Variants in NTNG2 observed in about 807,000 individuals in gnomAD.
NTNG2 encodes the protein netrin-G2.
Under a neutral mutation model 47.6 loss-of-function variants are expected in NTNG2, and 15 were observed. That is an observed-to-expected ratio of 0.32 (90% CI 0.21 to 0.49). NTNG2 has a LOEUF of 0.49. Ranked by LOEUF, NTNG2 falls within the 20% of genes least tolerant of loss-of-function variation. The pLI, the probability that NTNG2 is intolerant of heterozygous loss-of-function variation, is 0.99. For synonymous variants in NTNG2, 307 were observed against 324.6 expected (o/e 0.95, Z 0.58); for missense variants, 578 against 764.6 (o/e 0.76, Z 2.88).
chr9:132,181,635 C>T (rs1273505075), intron 2 of NTNG2, among the ~76,000 whole-genome samples: 2 of 152,194 alleles, frequency 1.3e-5, no homozygotes, highest in East Asian at 3.8e-4. Flanking sequence ...TTTCTTGATT[C>T]TATATCCTTC....
At position 132,242,283 on chromosome 9, in the gene NTNG2, C is replaced by A. The variant is rs1317638748; in HGVS notation, c.*172C>A. The A allele has an allele frequency of 5.0e-6, 1 of 200,502 alleles. No homozygotes were observed. The highest frequency in any genetic ancestry group is 9.7e-6 in the Non-Finnish European group (1 of 103,076). 12.4% of individuals were successfully genotyped at this position (200,502 alleles called of 1,614,324 possible). A position where few individuals can be genotyped will look rare whatever the true frequency, so the allele number is the denominator to read the frequency against. The stretch of plus-strand genomic sequence containing the variant: ...GCTCCCGCCCGCACTGCCCTCCCCC[C>A]GCAGCAGGGGCGCCTTGGGACTCCG... On this transcript the variant is annotated 3_prime_UTR_variant, in exon 8 of 8. Coordinates refer to ENST00000393229, the MANE Select transcript of NTNG2 (RefSeq NM_032536.4). This position sits in a 1 kb window ranked among gnomAD's most constrained non-coding sequence, Gnocchi z 5.9.
Position 132,198,564 on chromosome 9 carries a change from T to A in NTNG2, c.812T>A (p.Leu271His). Residue 271 changes from leucine (L) to histidine (H), a missense_variant, in exon 3 of 8, where the codon CTC (leucine) becomes CAC (histidine). Leu to His is a moderately conservative substitution (Grantham distance 99). Coordinates refer to ENST00000393229, the MANE Select transcript of NTNG2 (RefSeq NM_032536.4). ...GGCACCTATGTGCAGCGGGAGAACC[T>A]CTACAAGTACTTCTACGCCATCTCC... The part of the protein sequence containing the change: ...LGGTYVQREN[L>H]YKYFYAISNI... The A allele has an allele frequency of 6.2e-7, 1 of 1,612,946 alleles. No homozygotes were observed. The highest frequency in any genetic ancestry group is 8.5e-7 in the Non-Finnish European group (1 of 1,179,874).
intron 3 of NTNG2, among the ~76,000 whole-genome samples, chr9:132,206,825 C>G (rs1263113891): frequency 6.6e-6 from 1 of 152,244 alleles, no homozygotes; most frequent in African/African-American, 2.4e-5. Context: ...TGCACGATTC[C>G]AGACCACATC....
intron 6 of NTNG2, among the ~76,000 whole-genome samples, chr9:132,240,328 C>T (rs1841898528): frequency 6.6e-6 from 1 of 152,242 alleles, no homozygotes; most frequent in Non-Finnish European, 1.5e-5. Context: ...CACACCCTGG[C>T]ACCCTCCTCC....
intron 3 of NTNG2, among the ~76,000 whole-genome samples, chr9:132,212,469 G>T (rs1256264534): frequency 1.3e-5 from 2 of 152,186 alleles, no homozygotes. Flanking sequence ...GCCCAAATTT[G>T]ATTTAGCCAA....
At chr9:132,164,973 C>A (rs571873877) in intron 1 of NTNG2, among the ~76,000 whole-genome samples, 1 of 152,306 alleles carries the variant, frequency 6.6e-6, no homozygotes, top group East Asian at 1.9e-4. Flanking sequence ...TGGAGTTTCA[C>A]GGAAACACAG....
At chr9:132,219,226 A>G (rs1333845713) in intron 3 of NTNG2, among the ~76,000 whole-genome samples, 1 of 151,454 alleles carries the variant, frequency 6.6e-6, no homozygotes, top group Non-Finnish European at 1.5e-5. Context: ...AAAACAAAAA[A>G]AAAAAAGAAA....
rs748396406 is a variant in NTNG2 at position 132,242,003 on chromosome 9, C to A, written c.1485C>A (p.Asp495Glu). ...RCEQPRCDPA[D>E]DDGGLDCDRA... ...AGCAGCCCCGCTGCGACCCCGCCGACGATGACGGCGGTCTGGACTGCGACC... is the reference window on the plus strand; with the variant it reads ...AGCAGCCCCGCTGCGACCCCGCCGAAGATGACGGCGGTCTGGACTGCGACC... Residue 495 changes from aspartate (D) to glutamate (E), a missense_variant, in exon 8 of 8, where the codon GAC becomes GAA. Asp to Glu is a conservative substitution (Grantham distance 45, BLOSUM62 2). Coordinates refer to ENST00000393229, the MANE Select transcript of NTNG2 (RefSeq NM_032536.4). This position sits in a 1 kb window ranked among gnomAD's most constrained non-coding sequence, Gnocchi z 5.9. The A allele has an allele frequency of 2.8e-5, 41 of 1,474,026 alleles. No individual in the cohort carries two copies. In the African/African-American group the frequency reaches 5.2e-4, roughly 19 times the overall value. 91.3% of individuals were successfully genotyped at this position (1,474,026 alleles called of 1,614,324 possible).
At position 132,174,501 on chromosome 9, in the gene NTNG2, C is replaced by T. The variant is rs1231816123; in HGVS notation, c.213+7457C>T. 2.0e-5 allele frequency among the ~76,000 whole-genome samples: 3 copies of T among 152,196 alleles called. No homozygotes were observed. The South Asian group carries it at 6.2e-4, about 31-fold the overall frequency. On this transcript the variant is annotated intron_variant, in intron 2 of 7. Coordinates refer to ENST00000393229, the MANE Select transcript of NTNG2 (RefSeq NM_032536.4). ...GGACTTGGGATAAGTCCCTTGTGACCCTGAGCCTTGGTTTTCTCATCTGAA... is the reference window on the plus strand; with the variant it reads ...GGACTTGGGATAAGTCCCTTGTGACTCTGAGCCTTGGTTTTCTCATCTGAA...
Position 132,239,250 on chromosome 9 carries a change from G to A in NTNG2, c.1201G>A (p.Asp401Asn). ...CTACCGCAACGGCTCGGCAGAGCTG[G>A]ATGATGAGAACGTCTGCATTGGTGA... ...GYYRNGSAEL[D>N]DENVCIECNC... Residue 401 changes from aspartate (D) to asparagine (N), a missense_variant, in exon 6 of 8, where the codon GAT becomes AAT. Transcript: ENST00000393229. The A allele has an allele frequency of 6.2e-7, 1 of 1,613,644 alleles. No individual in the cohort carries two copies. The highest frequency in any genetic ancestry group is 8.5e-7 in the Non-Finnish European group (1 of 1,180,022).
At chr9:132,194,212 G>A (rs1194735275) in intron 2 of NTNG2, among the ~76,000 whole-genome samples, 1 of 152,190 alleles carries the variant, frequency 6.6e-6, no homozygotes, top group Non-Finnish European at 1.5e-5. Context: ...GGGGGAAGGG[G>A]GGCATGTGCC....
intron 2 of NTNG2, among the ~76,000 whole-genome samples, chr9:132,190,781 T>A (rs1837818379): frequency 6.6e-6 from 1 of 152,192 alleles, no homozygotes. Flanking sequence ...ATAGAATATT[T>A]CATGCCAGGA....
intron 1 of NTNG2, among the ~76,000 whole-genome samples, chr9:132,165,318 AT>A (rs1229582958): frequency 6.6e-6 from 1 of 152,070 alleles, no homozygotes; most frequent in Non-Finnish European, 1.5e-5. Flanking sequence ...AATTATATCT[AT>A]TTTGATTTTA....
rs1224595017 is a variant in NTNG2, at chr9:132,221,310, C to T, written c.858-5539C>T. ...GATCAGAACATCTGCTGGACAGAGA[C>T]ATGGAGAGAGAGACAAAGAGACAGG... On this transcript the variant is annotated intron_variant, in intron 3 of 7. Coordinates refer to ENST00000393229, the MANE Select transcript of NTNG2 (RefSeq NM_032536.4). The surrounding 1 kb of genome is among the most constrained non-coding windows in gnomAD (Gnocchi z 4.2). 6.6e-6 allele frequency among the ~76,000 whole-genome samples: 1 copy of T among 152,146 alleles called. No homozygotes were observed. The highest frequency in any genetic ancestry group is 2.4e-5 in the African/African-American group (1 of 41,434).
chr9:132,239,100 C>T lies in NTNG2; in HGVS notation c.1055-4C>T. 6.2e-7 allele frequency: 1 copy of T among 1,610,674 alleles called. No homozygotes were observed. The highest frequency in any genetic ancestry group is 8.5e-7 in the Non-Finnish European group (1 of 1,177,192). ...TTGGTATTTCTCCCACTTGGCCGGC[C>T]CAGACTGCGAATGCTACGGTCACTC... On this transcript the variant is annotated splice_polypyrimidine_tract_variant and splice_region_variant and intron_variant, in intron 5 of 7. Coordinates refer to ENST00000393229, the MANE Select transcript of NTNG2 (RefSeq NM_032536.4).
chr9:132,198,513 T>A lies in NTNG2; in HGVS notation c.761T>A (p.Met254Lys). Residue 254 changes from methionine (M) to lysine (K), a missense_variant, in exon 3 of 8, where the codon ATG (methionine) becomes AAG (lysine). Coordinates refer to ENST00000393229, the MANE Select transcript of NTNG2 (RefSeq NM_032536.4). ...KEFFTLTDLR[M>K]RLLRPALGGT... Reference sequence around the variant, plus strand: ...TTCTTCACCCTCACCGACCTGCGCATGCGGCTGCTGCGCCCGGCGCTGGGC... The same window carrying A: ...TTCTTCACCCTCACCGACCTGCGCAAGCGGCTGCTGCGCCCGGCGCTGGGC... 6.2e-7 allele frequency: 1 copy of A among 1,613,046 alleles called. No individual in the cohort carries two copies. The highest frequency in any genetic ancestry group is 8.5e-7 in the Non-Finnish European group (1 of 1,179,978).
intron 3 of NTNG2, among the ~76,000 whole-genome samples, chr9:132,206,421 C>T (rs1839167899): frequency 6.6e-6 from 1 of 152,216 alleles, no homozygotes; most frequent in South Asian, 2.1e-4. Context: ...AATCCCAACA[C>T]TTTGGGAGGC....
At chr9:132,200,123 G>A (rs1021508985) in intron 3 of NTNG2, among the ~76,000 whole-genome samples, 3 of 152,252 alleles carry the variant, frequency 2.0e-5, no homozygotes, top group South Asian at 2.1e-4. Flanking sequence ...GAAGCACACC[G>A]AACAGTGCCT....
intron 2 of NTNG2, among the ~76,000 whole-genome samples, chr9:132,171,573 C>T (rs1164205379): frequency 7.2e-5 from 11 of 152,208 alleles, no homozygotes; most frequent in Admixed American, 6.5e-4. Context: ...TTTGAACACA[C>T]ATCTTACTCA....
Sources: gnomAD v4.1 joint callset for allele counts (sites outside exome capture counted in the v4.1 genomes callset) on GRCh38, gnomAD v4.1.1 for gene constraint, Gnocchi (gnomAD v3.1) non-coding constraint, MANE v1.5 for transcripts, NCBI Gene and HGNC (gene_info 2026-07-23, HGNC 2026-07-21) for gene names.